Variants in SNX31 observed in about 807,000 individuals in gnomAD.
SNX31 encodes sorting nexin 31, also known as sorting nexin-31.
Under a neutral mutation model 65.4 loss-of-function variants are expected in SNX31, and 58 were observed. The ratio of observed to expected loss-of-function variants is 0.89; its 90% CI spans 0.72 to 1.10. The LOEUF is 1.10. Ranked by LOEUF, SNX31 falls within the 50% of genes least tolerant of loss-of-function variation. The pLI is 0.00. For synonymous variants in SNX31, 181 were observed against 190.1 expected, an observed-to-expected ratio of 0.95 and a Z score of 0.39; for missense variants, 523 against 529.7, an observed-to-expected ratio of 0.99 and a Z score of 0.12.
intron 13 of SNX31, among the ~76,000 whole-genome samples, chr8:100,574,975 G>A (rs879739415): frequency 6.6e-6 from 1 of 152,148 alleles, no homozygotes; most frequent in Non-Finnish European, 1.5e-5. Context: ...AAACATTTTA[G>A]AGGTTAGGGT....
intron 8 of SNX31, among the ~76,000 whole-genome samples, chr8:100,601,870 C>T (rs1482767759): frequency 6.8e-6 from 1 of 146,516 alleles, no homozygotes; most frequent in Non-Finnish European, 1.5e-5. Context: ...AGTAACAAAG[C>T]CTGTTGTCTC....
intron 4 of SNX31, among the ~76,000 whole-genome samples, chr8:100,623,182 G>A (rs533016146): frequency 2.6e-5 from 4 of 152,290 alleles, no homozygotes; most frequent in African/African-American, 7.2e-5. Flanking sequence ...GAATGTGAAG[G>A]GCAAGCAGGC....
chr8:100,606,651 A>G (rs1169657044), intron 8 of SNX31, among the ~76,000 whole-genome samples: 1 of 152,226 alleles, frequency 6.6e-6, no homozygotes, highest in African/African-American at 2.4e-5. Flanking sequence ...GTAATAACTT[A>G]TCCACCATCT....
At chr8:100,646,065 G>C (rs991348152) in intron 2 of SNX31, among the ~76,000 whole-genome samples, 1 of 152,112 alleles carries the variant, frequency 6.6e-6, no homozygotes, top group Admixed American at 6.5e-5. Flanking sequence ...GGGATTGAGA[G>C]CAAAAAGACT....
intron 1 of SNX31, among the ~76,000 whole-genome samples, chr8:100,658,339 A>G (rs1258692306): frequency 6.6e-6 from 1 of 152,248 alleles, no homozygotes; most frequent in East Asian, 1.9e-4. Flanking sequence ...GCAAAACTGC[A>G]GTGAAACATT....
intron 3 of SNX31, among the ~76,000 whole-genome samples, chr8:100,632,798 T>C (rs1818498281): frequency 6.6e-6 from 1 of 152,014 alleles, no homozygotes; most frequent in African/African-American, 2.4e-5. Flanking sequence ...ATGAGATCTA[T>C]ATTGCTCAGG....
intron 4 of SNX31, among the ~76,000 whole-genome samples, chr8:100,621,876 C>T (rs1048372363): frequency 1.3e-5 from 2 of 152,160 alleles, no homozygotes; most frequent in South Asian, 4.1e-4. Context: ...AATTCTCACT[C>T]CCTCGGAAGA....
intron 3 of SNX31, among the ~76,000 whole-genome samples, chr8:100,632,950 G>A (rs1414646063): frequency 6.6e-6 from 1 of 151,996 alleles, no homozygotes; most frequent in East Asian, 1.9e-4. Context: ...TTTGAGACAG[G>A]GTCTTTCTCT....
rs1238029723 is a variant in SNX31, at chr8:100,612,571, T to C, written c.523+424A>G. ...CAGACTGTCTTCTTACACTATCTCATTACACTTGAAAAAAGAATCTAATAA... is the reference window on the plus strand; with the variant it reads ...CAGACTGTCTTCTTACACTATCTCACTACACTTGAAAAAAGAATCTAATAA... On this transcript the variant is annotated intron_variant, in intron 6 of 13. Transcript: ENST00000311812. This position sits in a 1 kb window ranked among gnomAD's most constrained non-coding sequence, Gnocchi z 4.3. 6.6e-6 allele frequency among the ~76,000 whole-genome samples: 1 copy of C among 152,154 alleles called. No homozygotes were observed. The highest frequency in any genetic ancestry group is 6.5e-5 in the Admixed American group (1 of 15,276).
chr8:100,604,072 T>C lies in SNX31; in HGVS notation c.682-3631A>G, dbSNP rs113759214. ...TACCTTTGAAAAGAGTTGACCCTGA[T>C]TGTGGGTTCACAAGTCATCAACTCA... On this transcript the variant is annotated intron_variant, in intron 8 of 13. Coordinates refer to ENST00000311812, the MANE Select transcript of SNX31 (RefSeq NM_152628.4). This position sits in a 1 kb window ranked among gnomAD's most constrained non-coding sequence, Gnocchi z 4.3. 8.1e-3 allele frequency among the ~76,000 whole-genome samples: 1,239 copies of C among 152,228 alleles called. 27 individuals carry two copies. Among genetic ancestry groups the C allele is most frequent in the African/African-American group, 0.028 (1,163 of 41,536 alleles).
Position 100,630,679 on chromosome 8 carries a change from A to G in SNX31, c.257-288T>C, listed in dbSNP as rs900599803. Among the ~76,000 whole-genome samples, 69 of 152,364 alleles carry G rather than the reference A, an allele frequency of 4.5e-4. No individual in the cohort carries two copies. The highest frequency in any genetic ancestry group is 1.6e-3 in the African/African-American group (67 of 41,590). The stretch of plus-strand genomic sequence containing the variant: ...TGAACATCCATTTTGCTGCCCTACC[A>G]GGATGATAATGAAGTTTATATGAAG... On this transcript the variant is annotated intron_variant, in intron 3 of 13. Transcript: ENST00000311812. The surrounding 1 kb of genome is among the most constrained non-coding windows in gnomAD (Gnocchi z 5.3).
chr8:100,579,513 T>C (rs535675216), intron 12 of SNX31, among the ~76,000 whole-genome samples: 14 of 152,350 alleles, frequency 9.2e-5, no homozygotes, highest in African/African-American at 2.9e-4. Context: ...CTGACTGCCA[T>C]ACACAGTTTT....
intron 12 of SNX31, chr8:100,582,572 T>C (rs1813646962): frequency 6.6e-6 from 1 of 152,142 alleles, no homozygotes; most frequent in Non-Finnish European, 1.5e-5. Context: ...GAAAGAGAAA[T>C]AATTACAAAA....
In SNX31 at chr8:100,645,606, A is replaced by ATTTT. The variant is rs10598981; in HGVS notation, c.141+3664_141+3667dup. 9.8e-4 allele frequency among the ~76,000 whole-genome samples: 105 copies of ATTTT among 106,688 alleles called. 1 individual carries two copies. The highest frequency in any genetic ancestry group is 2.2e-3 in the African/African-American group (55 of 25,570). The allele number at this position is 106,688 out of a possible 152,430, so 70.0% of individuals were successfully genotyped here. A position where few individuals can be genotyped will look rare whatever the true frequency, so the allele number is the denominator to read the frequency against. On this transcript the variant is annotated intron_variant, in intron 2 of 13. Transcript: ENST00000311812. ...TCTAGCAACCCTACTCAGACTCTTC[A>ATTTT]TTTTTTTTTTTTTTTTTTTTTTTGA...
At chr8:100,661,746 T>C (rs1213913872) in intron 1 of SNX31, among the ~76,000 whole-genome samples, 1 of 151,810 alleles carries the variant, frequency 6.6e-6, no homozygotes, top group East Asian at 1.9e-4. Flanking sequence ...TTCAGGCTAG[T>C]CTCAAACTCC....
intron 9 of SNX31, 55 bp downstream of exon 9, chr8:100,600,294 T>C: frequency 6.9e-7 from 1 of 1,443,404 alleles, no homozygotes. Context: ...TCAATTCTAA[T>C]ATGTTTCTTT....
At position 100,626,152 on chromosome 8, in the gene SNX31, G is replaced by A. The variant is rs1259596647; in HGVS notation, c.321+4175C>T. On this transcript the variant is annotated intron_variant, in intron 4 of 13. Transcript: ENST00000311812. The surrounding 1 kb of genome is among the most constrained non-coding windows in gnomAD (Gnocchi z 4.4). ...GAGACAGGAGAATCGCTTGAACCCAGGAGGTGAAGGTAGTGACTACCTCAT... is the reference window on the plus strand; with the variant it reads ...GAGACAGGAGAATCGCTTGAACCCAAGAGGTGAAGGTAGTGACTACCTCAT... 1.3e-5 allele frequency among the ~76,000 whole-genome samples: 2 copies of A among 152,186 alleles called. No homozygotes were observed. Among genetic ancestry groups the A allele is most frequent in the Non-Finnish European group, 2.9e-5 (2 of 68,026 alleles).
rs772415352 is a variant in SNX31 at position 100,584,144 on chromosome 8, CT to C, written c.1136del (p.Lys379ArgfsTer3). On this transcript the variant is annotated frameshift_variant, in exon 12 of 14. Transcript: ENST00000311812. LOFTEE classifies it high-confidence loss of function. ...SSCLKKMISE[K>X]MVKLAAENTE... ...TATTCTCAGCAGCTAGCTTTACCAT[CT>C]TTTCTGAGATCATCTTTTTCAAGCA... 6.2e-7 allele frequency: 1 copy of C among 1,603,320 alleles called. No individual in the cohort carries two copies. Among genetic ancestry groups the C allele is most frequent in the Non-Finnish European group, 8.5e-7 (1 of 1,175,946 alleles).
At chr8:100,598,072 G>A (rs574608361) in intron 9 of SNX31, among the ~76,000 whole-genome samples, 131 of 152,276 alleles carry the variant, frequency 8.6e-4, no homozygotes, top group Middle Eastern at 3.4e-3. Flanking sequence ...CAAGGACTCC[G>A]GAGGCGTTCT....
Sources: allele counts gnomAD v4.1 joint callset (sites outside exome capture counted in the v4.1 genomes callset), GRCh38; gene constraint gnomAD v4.1.1; non-coding constraint Gnocchi (gnomAD v3.1); transcripts MANE v1.5; gene names NCBI Gene and HGNC (gene_info 2026-07-23, HGNC 2026-07-21).